NSUN4: variants seen among roughly 807,000 people sequenced by gnomAD.
The protein encoded by NSUN4 is 5-cytosine rRNA methyltransferase NSUN4.
A neutral mutation model predicts 43.8 loss-of-function variants in NSUN4; 31 were observed. The ratio of observed to expected loss-of-function variants is 0.71; its 90% CI spans 0.53 to 0.96. NSUN4 has a LOEUF of 0.96. Ranked by LOEUF, NSUN4 falls within the 40% of genes least tolerant of loss-of-function variation. NSUN4 has a pLI of 0.00. For synonymous variants in NSUN4, 167 were observed against 184.1 expected (o/e 0.91, Z 0.75); for missense variants, 439 against 475.6 (o/e 0.92, Z 0.72).
chr1:46,342,750 C>T (rs941255118), intron 1 of NSUN4: 64 of 399,234 alleles, frequency 1.6e-4, no homozygotes, highest in Admixed American at 2.2e-4. Flanking sequence ...AGTTTCCCCC[C>T]AACCGAAGTC....
chr1:46,351,229 T>C (rs1662955517), intron 3 of NSUN4, among the ~76,000 whole-genome samples: 1 of 152,108 alleles, frequency 6.6e-6, no homozygotes, highest in African/African-American at 2.4e-5. Flanking sequence ...GCCGGCGTGG[T>C]GGCGCATGCC....
chr1:46,344,317 T>C (rs1195506665), intron 1 of NSUN4: 1 of 160,074 alleles, frequency 6.2e-6, no homozygotes, highest in Non-Finnish European at 1.4e-5. Context: ...CATCTCTTCA[T>C]CAAATTGAAA....
At chr1:46,372,049 G>T in the NSUN4 span, among the ~76,000 whole-genome samples, 2 of 151,768 alleles carry the variant, frequency 1.3e-5, no homozygotes, top group Non-Finnish European at 2.9e-5. Flanking sequence ...TTCTTTCCTT[G>T]TCTTGATAAT....
the NSUN4 span, among the ~76,000 whole-genome samples, chr1:46,385,193 A>C: frequency 6.6e-6 from 1 of 152,226 alleles, no homozygotes; most frequent in East Asian, 1.9e-4. Context: ...AAAATCTTGT[A>C]GACATATTTA....
At chr1:46,359,273 C>CAAAT (rs1003556055) in intron 4 of NSUN4, among the ~76,000 whole-genome samples, 2 of 152,016 alleles carry the variant, frequency 1.3e-5, no homozygotes, top group African/African-American at 4.8e-5. Flanking sequence ...AACAAACAAA[C>CAAAT]AAATAAACTG....
At chr1:46,349,341 C>A (rs5013328) in intron 3 of NSUN4, among the ~76,000 whole-genome samples, 3 of 151,524 alleles carry the variant, frequency 2.0e-5, no homozygotes, top group Non-Finnish European at 4.4e-5. Flanking sequence ...AGGGTTTCAC[C>A]GTGTTAGCCA....
At chr1:46,365,658 T>G (rs1300816553), downstream of NSUN4, among the ~76,000 whole-genome samples, 2 of 152,050 alleles carry the variant, frequency 1.3e-5, no homozygotes, top group Non-Finnish European at 2.9e-5. Flanking sequence ...TTCTTCTGAG[T>G]AAATACTTAG....
the NSUN4 span, among the ~76,000 whole-genome samples, chr1:46,382,884 G>A: frequency 6.6e-6 from 1 of 152,230 alleles, no homozygotes; most frequent in Non-Finnish European, 1.5e-5. Context: ...TTACAGGTGT[G>A]AGCCACTGCA....
At chr1:46,356,168 C>T (rs61382125) in intron 4 of NSUN4, among the ~76,000 whole-genome samples, 1 of 152,124 alleles carries the variant, frequency 6.6e-6, no homozygotes, top group African/African-American at 2.4e-5. Context: ...ACTTTCTGGG[C>T]TTAAGTGATC....
chr1:46,357,610 G>A (rs1307959948), intron 4 of NSUN4, among the ~76,000 whole-genome samples: 2 of 152,126 alleles, frequency 1.3e-5, no homozygotes, highest in Non-Finnish European at 2.9e-5. Flanking sequence ...AGTATACCTT[G>A]CAGCCATCTT....
chr1:46,341,803 G>C, intron 1 of NSUN4: 1 of 1,232,652 alleles, frequency 8.1e-7, no homozygotes, highest in Non-Finnish European at 1.0e-6. Context: ...CCCCCTCTCT[G>C]TCAGCGGACA....
Position 46,345,057 on chromosome 1 carries a change from C to T in NSUN4, c.350C>T (p.Ala117Val). The change falls in exon 2 of 6, where the codon GCC becomes GTC. Residue 117 changes from alanine (A) to valine (V), a missense_variant. Coordinates refer to ENST00000474844, the MANE Select transcript of NSUN4 (RefSeq NM_199044.4). Reference protein sequence around the residue: ...ELQSEGGQSAAPSPASWACSP... With the variant: ...ELQSEGGQSAVPSPASWACSP... Reference sequence around the variant, plus strand: ...CAGTCTGAGGGTGGCCAATCTGCAGCCCCATCCCCTGCCTCCTGGGCCTGC... The same window carrying T: ...CAGTCTGAGGGTGGCCAATCTGCAGTCCCATCCCCTGCCTCCTGGGCCTGC... 1 of 1,614,152 alleles carries T rather than the reference C, an allele frequency of 6.2e-7. No homozygotes were observed.
chr1:46,348,650 A>C lies in NSUN4; in HGVS notation c.592+1575A>C, dbSNP rs1662704723. Reference sequence around the variant, plus strand: ...CTTGAACCTGGGAGATGGAGGTTGCAGTGAGCTGAGATCACGCCATTGCAC... The same window carrying C: ...CTTGAACCTGGGAGATGGAGGTTGCCGTGAGCTGAGATCACGCCATTGCAC... On this transcript the variant is annotated intron_variant, in intron 3 of 5. Coordinates refer to ENST00000474844, the MANE Select transcript of NSUN4 (RefSeq NM_199044.4). 3.5e-5 allele frequency among the ~76,000 whole-genome samples: 5 copies of C among 141,584 alleles called. No homozygotes were observed. In the South Asian group the frequency reaches 9.7e-4, roughly 27 times the overall value. The allele number at this position is 141,584 out of a possible 152,430, so 92.9% of individuals were successfully genotyped here. A position where few individuals can be genotyped will look rare whatever the true frequency, so the allele number is the denominator to read the frequency against.
chr1:46,359,927 C>T (rs919266420), intron 4 of NSUN4, among the ~76,000 whole-genome samples: 6 of 151,498 alleles, frequency 4.0e-5, no homozygotes, highest in African/African-American at 1.5e-4. Context: ...AAATGCTGTC[C>T]CTACAAAAAT....
intron 3 of NSUN4, among the ~76,000 whole-genome samples, chr1:46,349,634 G>A (rs1461747111): frequency 6.6e-6 from 1 of 152,212 alleles, no homozygotes; most frequent in Non-Finnish European, 1.5e-5. Flanking sequence ...GGTCTTGTCA[G>A]CCAGCTTGCA....
chr1:46,366,141 A>T (rs1215174585), downstream of NSUN4, among the ~76,000 whole-genome samples: 1 of 152,158 alleles, frequency 6.6e-6, no homozygotes, highest in East Asian at 1.9e-4. Flanking sequence ...AATAAATAAT[A>T]AATAAAAACT....
chr1:46,361,697 G>A lies in NSUN4; in HGVS notation c.1006G>A (p.Val336Ile), dbSNP rs974437091. The change falls in exon 6 of 6, where the codon GTA becomes ATA. Residue 336 changes from valine to isoleucine, a missense_variant. Physicochemically the swap from Val to Ile is conservative, Grantham distance 29 (BLOSUM62 3). Transcript: ENST00000474844. The stretch of plus-strand genomic sequence containing the variant: ...CCTGGCCAATCAATACAGCATCCAG[G>A]TACAGGTGGAAGATCTGACTCACTT... Reference protein sequence around the residue: ...ELLANQYSIQVQVEDLTHFRR... With the variant: ...ELLANQYSIQIQVEDLTHFRR... 2 of 1,614,060 alleles carry A rather than the reference G, an allele frequency of 1.2e-6. No individual in the cohort carries two copies. Among genetic ancestry groups the A allele is most frequent in the Admixed American group, 1.7e-5 (1 of 59,996 alleles).
intron 1 of NSUN4, chr1:46,341,456 C>T: frequency 9.9e-7 from 1 of 1,013,738 alleles, no homozygotes; most frequent in East Asian, 9.6e-5. Flanking sequence ...AAGGTTACAG[C>T]GACCACCCTG....
In NSUN4 at chr1:46,362,620, A is replaced by T. The variant is rs1663951855; in HGVS notation, c.*774A>T. ...ACAGGTAGCTAGGGAGCTCTTGGAG[A>T]TGTAGCAGTTGGGATTGTGGGAGAT... On this transcript the variant is annotated 3_prime_UTR_variant, in exon 6 of 6. Transcript: ENST00000474844. The T allele has an allele frequency of 6.6e-6, 1 of 152,108 alleles. No homozygotes were observed. Among genetic ancestry groups the T allele is most frequent in the South Asian group, 2.1e-4 (1 of 4,828 alleles). 9.4% of individuals were successfully genotyped at this position (152,108 alleles called of 1,614,324 possible).
Sources: allele counts gnomAD v4.1 joint callset (sites outside exome capture counted in the v4.1 genomes callset), GRCh38; gene constraint gnomAD v4.1.1; transcripts MANE v1.5; gene names NCBI Gene and HGNC (gene_info 2026-07-23, HGNC 2026-07-21).